Variants in EFL1 observed in about 807,000 individuals in gnomAD.
The protein encoded by EFL1 is elongation factor-like GTPase 1.
A neutral mutation model predicts 126.7 loss-of-function variants in EFL1; 76 were observed. That is an observed-to-expected ratio of 0.60 (90% CI 0.50 to 0.73). The LOEUF is 0.73. Among genes scored for constraint, EFL1 ranks in the 30% least tolerant of loss-of-function variants. The pLI is 0.00. For missense variants in EFL1, 1,128 were observed against 1,343.2 expected (o/e 0.84, Z 2.50); for synonymous variants, 410 against 448.4 (o/e 0.91, Z 1.08).
intron 3 of EFL1, among the ~76,000 whole-genome samples, chr15:82,254,970 C>T (rs2075054891): frequency 6.6e-6 from 1 of 152,136 alleles, no homozygotes; most frequent in Non-Finnish European, 1.5e-5. Flanking sequence ...GACATGGAGA[C>T]TGATTCCAGT....
At chr15:82,222,588 T>C (rs573870886) in intron 12 of EFL1, among the ~76,000 whole-genome samples, 1 of 152,324 alleles carries the variant, frequency 6.6e-6, no homozygotes, top group Non-Finnish European at 1.5e-5. Context: ...TCTATGTATC[T>C]ATCCATCCAT....
intron 15 of EFL1, among the ~76,000 whole-genome samples, chr15:82,207,609 A>T (rs550223291): frequency 1.4e-4 from 22 of 152,252 alleles, no homozygotes; most frequent in Admixed American, 1.1e-3. Context: ...CCACAATTTT[A>T]AAAAATATGC....
rs779283225 is a variant in EFL1 at position 82,241,400 on chromosome 15, T to C, written c.248A>G (p.Asn83Ser). ...SAISLHYATG[N>S]EEYLINLIDS... ...TATCAGATTGATCAGGTACTCCTCA[T>C]TACCTAAAATACAATTTGTAAACAC... The change falls in exon 5 of 20, where the codon AAT becomes AGT. Residue 83 changes from asparagine (N) to serine (S), a missense_variant. Coordinates refer to ENST00000268206, the MANE Select transcript of EFL1 (RefSeq NM_024580.6). 39 of 1,613,132 alleles carry C rather than the reference T, an allele frequency of 2.4e-5. No individual in the cohort carries two copies. Among genetic ancestry groups the C allele is most frequent in the Middle Eastern group, 1.7e-4 (1 of 6,060 alleles).
chr15:82,211,572 A>ACACG (rs1208898901), intron 15 of EFL1, among the ~76,000 whole-genome samples: 2 of 130,956 alleles, frequency 1.5e-5, no homozygotes, highest in East Asian at 4.3e-4. Flanking sequence ...ACACACACAC[A>ACACG]CACACACACT....
At position 82,151,730 on chromosome 15, in the gene EFL1, A is replaced by T. The variant is rs2073910750; in HGVS notation, c.2724T>A (p.Ser908Arg). 2 of 1,613,966 alleles carry T rather than the reference A, an allele frequency of 1.2e-6. No individual in the cohort carries two copies. Among genetic ancestry groups the T allele is most frequent in the Non-Finnish European group, 1.7e-6 (2 of 1,180,042 alleles). Residue 908 changes from serine (S) to arginine (R), a missense_variant, in exon 18 of 20, where the codon AGT becomes AGA. Physicochemically the swap from Ser to Arg is moderately radical, Grantham distance 110. Transcript: ENST00000268206. ...CCTCCTGTCCCTCTTTTGCCAGATC[A>T]CTTGCTCCTTGTTCCTCAAATTTAC... is the stretch of plus-strand genomic sequence containing the variant. Reference protein sequence around the residue: ...DLSKFEEQGASDLAKEGQEEN... With the variant: ...DLSKFEEQGARDLAKEGQEEN...
At chr15:82,216,062 GT>G (rs2074642773) in intron 14 of EFL1, among the ~76,000 whole-genome samples, 2 of 152,066 alleles carry the variant, frequency 1.3e-5, no homozygotes, top group African/African-American at 2.4e-5. Context: ...ATATACAAAA[GT>G]TAATTATACT....
intron 15 of EFL1, among the ~76,000 whole-genome samples, chr15:82,186,433 G>T (rs1317445544): frequency 6.6e-6 from 1 of 152,056 alleles, no homozygotes; most frequent in South Asian, 2.1e-4. Context: ...CATAGAAAAC[G>T]GCAAAAGAAT....
intron 15 of EFL1, among the ~76,000 whole-genome samples, chr15:82,210,840 C>T (rs2074576249): frequency 7.1e-6 from 1 of 140,174 alleles, no homozygotes; most frequent in African/African-American, 2.7e-5. Flanking sequence ...CCAGCCTGGG[C>T]GACAAGAGGG....
chr15:82,152,342 C>A lies in EFL1; in HGVS notation c.2112G>T (p.Met704Ile). Residue 704 changes from methionine (M) to isoleucine (I), a missense_variant, in exon 18 of 20, where the codon ATG (methionine) becomes ATT (isoleucine). Physicochemically the swap from Met to Ile is conservative, Grantham distance 10. Transcript: ENST00000268206. The stretch of plus-strand genomic sequence containing the variant: ...GCTGTTTGCCTATTTCTTCATTGAC[C>A]ATGTCAACTTTTGGGGGTTTTGTGA... The part of the protein sequence containing the change: ...ETITKPPKVD[M>I]VNEEIGKQQK... The A allele has an allele frequency of 6.2e-7, 1 of 1,613,818 alleles. No individual in the cohort carries two copies. Among genetic ancestry groups the A allele is most frequent in the Non-Finnish European group, 8.5e-7 (1 of 1,180,008 alleles).
In EFL1 at chr15:82,259,172, A is replaced by T; in HGVS notation, c.92-17T>A. 1.2e-6 allele frequency: 2 copies of T among 1,603,874 alleles called. No individual in the cohort carries two copies. Among genetic ancestry groups the T allele is most frequent in the South Asian group, 1.1e-5 (1 of 90,838 alleles). On this transcript the variant is annotated splice_polypyrimidine_tract_variant and intron_variant, in intron 2 of 19. Coordinates refer to ENST00000268206, the MANE Select transcript of EFL1 (RefSeq NM_024580.6). The stretch of plus-strand genomic sequence containing the variant: ...TAGTTTTTCCTGTTAAAATAGCAAC[A>T]TCAATTCAAATCTATATCTTTTTTA...
chr15:82,227,829 G>T (rs2074780484), intron 10 of EFL1, among the ~76,000 whole-genome samples: 1 of 152,186 alleles, frequency 6.6e-6, no homozygotes, highest in Admixed American at 6.5e-5. Flanking sequence ...AATGAGAACA[G>T]AGCTTAGCAG....
chr15:82,137,975 CTTAACAATGTG>C (rs1362166221), intron 19 of EFL1, among the ~76,000 whole-genome samples: 1 of 152,166 alleles, frequency 6.6e-6, no homozygotes, highest in Non-Finnish European at 1.5e-5. Flanking sequence ...TTTTCTCTAA[CTTAACAATGTG>C]TTCACAATCT....
At chr15:82,197,001 C>T (rs2141277293) in intron 15 of EFL1, among the ~76,000 whole-genome samples, 1 of 150,364 alleles carries the variant, frequency 6.7e-6, no homozygotes, top group South Asian at 2.1e-4. Flanking sequence ...CATTGCACTC[C>T]AGCTTGGGCG....
At chr15:82,256,975 A>G (rs1376232895) in intron 3 of EFL1, among the ~76,000 whole-genome samples, 1 of 152,176 alleles carries the variant, frequency 6.6e-6, no homozygotes, top group Non-Finnish European at 1.5e-5. Context: ...CTATCTTCAT[A>G]TGATTTGGAG....
chr15:82,196,771 C>T (rs1260751192), intron 15 of EFL1, among the ~76,000 whole-genome samples: 7 of 152,214 alleles, frequency 4.6e-5, no homozygotes, highest in African/African-American at 9.6e-5. Context: ...CGGTGGCTCT[C>T]GCCTGTAATC....
intron 14 of EFL1, among the ~76,000 whole-genome samples, chr15:82,217,372 T>TAAA (rs1555429960): frequency 1.1e-4 from 2 of 18,970 alleles, no homozygotes; most frequent in Non-Finnish European, 2.0e-4. Context: ...TGATTAGATT[T>TAAA]GAAAAAAAAA....
intron 15 of EFL1, among the ~76,000 whole-genome samples, chr15:82,180,367 A>AC (rs2074238276): frequency 1.9e-5 from 2 of 105,518 alleles, no homozygotes; most frequent in Admixed American, 1.7e-4. Context: ...GGCAAAAAAA[A>AC]AAAAACAAAA....
chr15:82,161,013 T>C (rs371201091), intron 16 of EFL1, among the ~76,000 whole-genome samples: 81 of 152,284 alleles, frequency 5.3e-4, no homozygotes, highest in African/African-American at 1.9e-3. Flanking sequence ...TTCTCTGTGT[T>C]GAGTTTGTAG....
chr15:82,217,823 T>C (rs2074666953), intron 14 of EFL1, among the ~76,000 whole-genome samples: 1 of 152,186 alleles, frequency 6.6e-6, no homozygotes, highest in African/African-American at 2.4e-5. Flanking sequence ...CACACTGTGA[T>C]TCTATACCAT....
Sources: allele counts gnomAD v4.1 joint callset (sites outside exome capture counted in the v4.1 genomes callset), GRCh38; gene constraint gnomAD v4.1.1; transcripts MANE v1.5; gene names NCBI Gene and HGNC (gene_info 2026-07-23, HGNC 2026-07-21).